Variants in PLA2G2C observed in about 807,000 individuals in gnomAD.
PLA2G2C encodes phospholipase A2 group IIC, also known as putative inactive group IIC secretory phospholipase A2.
In PLA2G2C, 15 loss-of-function variants were observed where a neutral mutation model predicts 14.3. The ratio of observed to expected loss-of-function variants is 1.05; its 90% CI spans 0.70 to 1.62. The LOEUF (loss-of-function observed/expected upper bound fraction) is 1.62, where lower values mean the gene tolerates loss of function less well. Ranked by LOEUF, PLA2G2C falls within the 40% of genes most tolerant of loss-of-function variation. The probability of loss-of-function intolerance (pLI) is 0.00; values close to 1 mark genes in which losing one functional copy is unlikely to be tolerated. For missense variants in PLA2G2C, 162 were observed against 173.2 expected, an observed-to-expected ratio of 0.94 and a Z score of 0.36; for synonymous variants, 79 against 67.7, an observed-to-expected ratio of 1.17 and a Z score of -0.82.
chr1:20,164,789 C>T (rs1219630881), intron 4 of PLA2G2C, among the ~76,000 whole-genome samples: 1 of 152,238 alleles, frequency 6.6e-6, no homozygotes, highest in Non-Finnish European at 1.5e-5. Context: ...TCGCTGCCCC[C>T]GCTCCTTCCA....
At chr1:20,166,103 C>A (rs1222650968) in intron 4 of PLA2G2C, among the ~76,000 whole-genome samples, 2 of 152,204 alleles carry the variant, frequency 1.3e-5, no homozygotes, top group African/African-American at 4.8e-5. Context: ...CAGAAGGTGC[C>A]CTGTGGGCGC....
intron 1 of PLA2G2C, chr1:20,184,197 G>GCACACGCACACACACACACA (rs1553184787): frequency 6.7e-6 from 1 of 149,618 alleles, no homozygotes; most frequent in African/African-American, 2.5e-5. Flanking sequence ...GTGCGCACAC[G>GCACACGCACACACACACACA]CACACACACA....
intron 4 of PLA2G2C, among the ~76,000 whole-genome samples, chr1:20,168,469 C>T (rs914161614): frequency 9.9e-5 from 15 of 152,092 alleles, no homozygotes; most frequent in Non-Finnish European, 1.8e-4. Context: ...CCTTTCTAGT[C>T]GGTGGGGGAG....
intron 1 of PLA2G2C, among the ~76,000 whole-genome samples, chr1:20,185,391 G>C (rs530251880): frequency 1.3e-5 from 2 of 152,318 alleles, no homozygotes; most frequent in Admixed American, 6.5e-5. Context: ...AATGGGCCAG[G>C]ATAGGGAAGA....
At chr1:20,174,295 T>G (rs2018140292) in intron 3 of PLA2G2C, among the ~76,000 whole-genome samples, 1 of 152,226 alleles carries the variant, frequency 6.6e-6, no homozygotes, top group Admixed American at 6.5e-5. Flanking sequence ...TGTCTTCAAA[T>G]GAATTGACAC....
Position 20,166,170 on chromosome 1 carries a change from C to T in PLA2G2C, c.284-2013G>A, listed in dbSNP as rs148767204. On this transcript the variant is annotated intron_variant, in intron 4 of 4. Coordinates refer to ENST00000679259, the MANE Select transcript of PLA2G2C (RefSeq NM_001367969.2). The stretch of plus-strand genomic sequence containing the variant: ...CTCCACGTGGAGAAAAAGCAGCGCC[C>T]TGTGGAGCCGGCAGAGCTGCCTGCA... Among the ~76,000 whole-genome samples the T allele has an allele frequency of 3.1e-4, 47 of 152,318 alleles. No homozygotes were observed. The East Asian group carries it at 7.4e-3, about 24-fold the overall frequency.
At chr1:20,183,926 T>C (rs1461989098) in intron 1 of PLA2G2C, among the ~76,000 whole-genome samples, 1 of 152,184 alleles carries the variant, frequency 6.6e-6, no homozygotes, top group Admixed American at 6.5e-5. Flanking sequence ...TTTACTGAGA[T>C]CCACTCTGGG....
At chr1:20,178,524 C>G (rs1355754449) in intron 1 of PLA2G2C, among the ~76,000 whole-genome samples, 1 of 152,134 alleles carries the variant, frequency 6.6e-6, no homozygotes, top group South Asian at 2.1e-4. Flanking sequence ...GAGGTCGGGC[C>G]CTGACCAGGC....
At chr1:20,166,221 T>G (rs2017976446) in intron 4 of PLA2G2C, among the ~76,000 whole-genome samples, 1 of 152,198 alleles carries the variant, frequency 6.6e-6, no homozygotes, top group Non-Finnish European at 1.5e-5. Context: ...ACTCTCCCTC[T>G]GCAAAGTCTG....
chr1:20,182,336 G>C (rs948455457), intron 1 of PLA2G2C, among the ~76,000 whole-genome samples: 3 of 152,136 alleles, frequency 2.0e-5, no homozygotes, highest in African/African-American at 7.2e-5. Context: ...TCTATGTTTA[G>C]ATCTGTTTGG....
At chr1:20,185,600 C>T (rs1457292224) in intron 1 of PLA2G2C, among the ~76,000 whole-genome samples, 1 of 152,132 alleles carries the variant, frequency 6.6e-6, no homozygotes, top group East Asian at 1.9e-4. Flanking sequence ...GAAAAGAGGT[C>T]AGGGAACTGG....
chr1:20,176,191 T>A (rs1185591327), intron 2 of PLA2G2C, among the ~76,000 whole-genome samples: 2 of 152,118 alleles, frequency 1.3e-5, no homozygotes, highest in Admixed American at 1.3e-4. Context: ...AGTGCTGGGA[T>A]TATAGTCATG....
intron 2 of PLA2G2C, among the ~76,000 whole-genome samples, chr1:20,177,091 G>T (rs1043440266): frequency 7.9e-5 from 12 of 152,170 alleles, no homozygotes; most frequent in African/African-American, 2.9e-4. Context: ...TCTAGCAAAT[G>T]GTTGGCAACC....
chr1:20,179,201 T>C (rs931387843), intron 1 of PLA2G2C, among the ~76,000 whole-genome samples: 1 of 142,106 alleles, frequency 7.0e-6, no homozygotes, highest in South Asian at 2.3e-4. Context: ...TTCCCCTCTA[T>C]GTCAGTTTCT....
chr1:20,169,848 C>T (rs950938029), intron 4 of PLA2G2C, among the ~76,000 whole-genome samples: 2 of 152,208 alleles, frequency 1.3e-5, no homozygotes, highest in Non-Finnish European at 2.9e-5. Context: ...CACAAAGCTC[C>T]GGGGCCTTAC....
intron 4 of PLA2G2C, among the ~76,000 whole-genome samples, chr1:20,165,446 C>T (rs568866626): frequency 2.0e-5 from 3 of 152,314 alleles, no homozygotes; most frequent in Non-Finnish European, 2.9e-5. Flanking sequence ...AAGCTGTGTG[C>T]GGCTGAGACC....
chr1:20,168,105 C>G (rs2018007403), intron 4 of PLA2G2C, among the ~76,000 whole-genome samples: 1 of 152,222 alleles, frequency 6.6e-6, no homozygotes, highest in Non-Finnish European at 1.5e-5. Context: ...GGCCTACAGG[C>G]CAATGCCAGC....
chr1:20,178,344 C>T (rs1569936929), intron 1 of PLA2G2C, among the ~76,000 whole-genome samples: 2 of 152,152 alleles, frequency 1.3e-5, no homozygotes, highest in Admixed American at 1.3e-4. Flanking sequence ...AACAATAGCT[C>T]GGTTGAGCCT....
chr1:20,176,585 G>A (rs1015097536), intron 2 of PLA2G2C, among the ~76,000 whole-genome samples: 58 of 152,346 alleles, frequency 3.8e-4, no homozygotes, highest in Admixed American at 1.8e-3. Context: ...CCCTGGAGCC[G>A]CACTGAGGGG....
Sources: gnomAD v4.1 joint callset for allele counts (sites outside exome capture counted in the v4.1 genomes callset) on GRCh38, gnomAD v4.1.1 for gene constraint, MANE v1.5 for transcripts, NCBI Gene and HGNC (gene_info 2026-07-23, HGNC 2026-07-21) for gene names.